The following MEIS2 variants were observed in gnomAD, a reference collection of about 807,000 sequenced individuals.
MEIS2 encodes homeobox protein Meis2.
A neutral mutation model predicts 58.6 loss-of-function variants in MEIS2; 9 were observed. That is an observed-to-expected ratio of 0.15 (90% CI 0.09 to 0.27). The LOEUF is 0.27. Among genes scored for constraint, MEIS2 ranks in the 10% least tolerant of loss-of-function variants. The pLI, the probability that MEIS2 is intolerant of heterozygous loss-of-function variation, is 1.00. For synonymous variants in MEIS2, 221 were observed against 228.4 expected (o/e 0.97, Z 0.29); for missense variants, 427 against 635.0 (o/e 0.67, Z 3.52).
intron 7 of MEIS2, among the ~76,000 whole-genome samples, chr15:37,079,194 G>C (rs1891862936): frequency 6.6e-6 from 1 of 151,974 alleles, no homozygotes; most frequent in Admixed American, 6.6e-5. Context: ...CTATGGCAAT[G>C]TTCAATTATC....
intron 7 of MEIS2, among the ~76,000 whole-genome samples, chr15:37,060,495 C>A (rs1441541766): frequency 1.3e-5 from 2 of 152,058 alleles, no homozygotes; most frequent in East Asian, 3.9e-4. Flanking sequence ...TTATCGTGTA[C>A]CACCATATTT....
intron 8 of MEIS2, among the ~76,000 whole-genome samples, chr15:37,016,880 A>G (rs541616781): frequency 9.8e-5 from 15 of 152,334 alleles, no homozygotes; most frequent in Admixed American, 9.8e-4. Flanking sequence ...GAAGGCACAC[A>G]CTCTATAAAA....
intron 9 of MEIS2, among the ~76,000 whole-genome samples, chr15:36,932,214 C>T (rs2058008594): frequency 6.6e-6 from 1 of 152,054 alleles, no homozygotes; most frequent in African/African-American, 2.4e-5. Context: ...TTGGGTGGTG[C>T]CATTCAATAT....
chr15:36,895,042 A>G, intron 11 of MEIS2, 109 bp downstream of exon 11: 1 of 1,001,568 alleles, frequency 1.0e-6, no homozygotes, highest in Non-Finnish European at 1.5e-6. Flanking sequence ...AGCAGGCAGC[A>G]GGCAAATGTT....
rs954099535 is a variant in MEIS2 at position 36,902,403 on chromosome 15, T to A, written c.978-5717A>T. ...GATTTTAGACACTGGGGCAGGCATC[T>A]GCCTGCAGGGGTGGGAGGTGGATAG... On this transcript the variant is annotated intron_variant, in intron 9 of 11. Coordinates refer to ENST00000561208, the MANE Select transcript of MEIS2 (RefSeq NM_170675.5). Among the ~76,000 whole-genome samples the A allele has an allele frequency of 5.4e-4, 82 of 152,224 alleles. 5 individuals carry two copies. Among genetic ancestry groups the A allele is most frequent in the Non-Finnish European group, 1.0e-4 (7 of 68,034 alleles).
rs1766000169 is a variant in MEIS2, at chr15:36,890,983, T to C, written c.*1190A>G. On this transcript the variant is annotated 3_prime_UTR_variant, in exon 12 of 12. Transcript: ENST00000561208. Reference sequence around the variant, plus strand: ...TTAACACTGTATAGAGTTGGCATTGTGCAGTCTTGTCCTAAAACCATTAAA... The same window carrying C: ...TTAACACTGTATAGAGTTGGCATTGCGCAGTCTTGTCCTAAAACCATTAAA... 6.6e-5 allele frequency: 10 copies of C among 152,588 alleles called. No homozygotes were observed. The highest frequency in any genetic ancestry group is 6.5e-4 in the Admixed American group (10 of 15,282). The allele number at this position is 152,588 out of a possible 1,614,324, so 9.5% of individuals were successfully genotyped here. A position where few individuals can be genotyped will look rare whatever the true frequency, so the allele number is the denominator to read the frequency against.
At chr15:37,047,683 G>T (rs2062729997) in intron 7 of MEIS2, among the ~76,000 whole-genome samples, 1 of 152,188 alleles carries the variant, frequency 6.6e-6, no homozygotes, top group African/African-American at 2.4e-5. Context: ...ATACAAAAAT[G>T]AGTTGTTATG....
intron 4 of MEIS2, 86 bp from the exon 5 acceptor site, chr15:37,094,663 T>G: frequency 6.2e-6 from 7 of 1,127,880 alleles, no homozygotes; most frequent in Non-Finnish European, 9.0e-6. Flanking sequence ...AGGATGGTGG[T>G]GAGAAAGTTG....
intron 8 of MEIS2, among the ~76,000 whole-genome samples, chr15:36,991,769 TTCTTTTTTTTTTTC>T (rs972266707): frequency 1.7e-5 from 2 of 120,168 alleles, no homozygotes; most frequent in African/African-American, 6.1e-5. Flanking sequence ...AGTGTTAATT[TTCTTTTTTTTTTTC>T]TTTTTTTTTT....
rs533434791 is a variant in MEIS2 at position 36,891,797 on chromosome 15, T to C, written c.*376A>G. ...TGATGAACCAAAACAGTCATTCTTT[T>C]GGGAACAACACACATAGTGTGGAAA... On this transcript the variant is annotated 3_prime_UTR_variant, in exon 12 of 12. Coordinates refer to ENST00000561208, the MANE Select transcript of MEIS2 (RefSeq NM_170675.5). The C allele has an allele frequency of 8.6e-6, 2 of 231,812 alleles. No individual in the cohort carries two copies. The highest frequency in any genetic ancestry group is 4.7e-5 in the African/African-American group (2 of 42,646). The allele number at this position is 231,812 out of a possible 1,614,324, so 14.4% of individuals were successfully genotyped here. A position where few individuals can be genotyped will look rare whatever the true frequency, so the allele number is the denominator to read the frequency against.
chr15:37,033,075 G>T (rs1388767805), intron 8 of MEIS2, among the ~76,000 whole-genome samples: 4 of 152,162 alleles, frequency 2.6e-5, no homozygotes, highest in Non-Finnish European at 5.9e-5. Context: ...GAGGGTGAAT[G>T]ATTTTTGTCA....
chr15:37,000,103 C>G (rs375268725), intron 8 of MEIS2, among the ~76,000 whole-genome samples: 1 of 152,122 alleles, frequency 6.6e-6, no homozygotes, highest in Non-Finnish European at 1.5e-5. Flanking sequence ...GCAAATCTGG[C>G]GTGATAGCTA....
At chr15:36,972,836 C>T (rs7162033) in intron 8 of MEIS2, 4 of 151,942 alleles carry the variant, frequency 2.6e-5, no homozygotes, top group Non-Finnish European at 4.4e-5. Context: ...CAGTAAAGCC[C>T]CGACTCCTGA....
chr15:36,962,213 G>A (rs2059208388), intron 8 of MEIS2, among the ~76,000 whole-genome samples: 1 of 152,172 alleles, frequency 6.6e-6, no homozygotes, highest in Admixed American at 6.5e-5. Flanking sequence ...GTATGTTGTG[G>A]CTTTCGCAGA....
intron 7 of MEIS2, among the ~76,000 whole-genome samples, chr15:37,057,378 T>A (rs780163815): frequency 2.0e-5 from 3 of 152,186 alleles, no homozygotes; most frequent in African/African-American, 4.8e-5. Flanking sequence ...TCAGGCCATG[T>A]GGAGCTGTAT....
chr15:37,030,995 C>A (rs975573440), intron 8 of MEIS2, among the ~76,000 whole-genome samples: 9 of 152,194 alleles, frequency 5.9e-5, no homozygotes, highest in Admixed American at 5.9e-4. Flanking sequence ...ATCCCAGGAA[C>A]AAATGTGGTA....
intron 9 of MEIS2, among the ~76,000 whole-genome samples, chr15:36,929,044 T>A (rs949362732): frequency 6.6e-6 from 1 of 152,246 alleles, no homozygotes; most frequent in Non-Finnish European, 1.5e-5. Flanking sequence ...TAACTAATTA[T>A]ATAACTCTTC....
intron 7 of MEIS2, among the ~76,000 whole-genome samples, chr15:37,046,001 G>C (rs756697791): frequency 2.4e-4 from 36 of 152,176 alleles, no homozygotes; most frequent in Non-Finnish European, 4.3e-4. Flanking sequence ...AAAAAAAGAG[G>C]GGATTTTATG....
At chr15:36,970,081 G>T (rs1287406807) in intron 8 of MEIS2, among the ~76,000 whole-genome samples, 1 of 152,128 alleles carries the variant, frequency 6.6e-6, no homozygotes, top group African/African-American at 2.4e-5. Flanking sequence ...TGGTTAAAAT[G>T]CTCAAATATA....
Sources: allele counts gnomAD v4.1 joint callset (sites outside exome capture counted in the v4.1 genomes callset), GRCh38; gene constraint gnomAD v4.1.1; transcripts MANE v1.5; gene names NCBI Gene and HGNC (gene_info 2026-07-23, HGNC 2026-07-21).